CABLES1: variants seen among roughly 807,000 people sequenced by gnomAD.
The protein encoded by CABLES1 is CDK5 and ABL1 enzyme substrate 1.
CABLES1 carries 36 observed loss-of-function variants against 57.8 expected under a neutral mutation model. That is an observed-to-expected ratio of 0.62 (90% CI 0.48 to 0.82). The LOEUF is 0.82. CABLES1 is among the 40% of genes least tolerant of loss of function. The pLI is 0.00. For missense variants in CABLES1, 767 were observed against 836.6 expected, an observed-to-expected ratio of 0.92 and a Z score of 1.03; for synonymous variants, 374 against 363.0, an observed-to-expected ratio of 1.03 and a Z score of -0.35.
chr18:23,251,519 C>G (rs527428951), intron 7 of CABLES1, among the ~76,000 whole-genome samples: 1 of 151,982 alleles, frequency 6.6e-6, no homozygotes, highest in African/African-American at 2.4e-5. Context: ...AGTATACTCT[C>G]GAGGAGGGAT....
intron 3 of CABLES1, among the ~76,000 whole-genome samples, chr18:23,203,122 G>A (rs2047338001): frequency 6.6e-6 from 1 of 152,128 alleles, no homozygotes; most frequent in Admixed American, 6.5e-5. Flanking sequence ...CTGTCTTGAA[G>A]AGCGACAGAG....
At chr18:23,190,170 G>C (rs1174272682) in intron 2 of CABLES1, 1 of 152,256 alleles carries the variant, frequency 6.6e-6, no homozygotes, top group African/African-American at 2.4e-5. Flanking sequence ...AAAGTCAAAT[G>C]AGGGAGCTGG....
intron 4 of CABLES1, among the ~76,000 whole-genome samples, chr18:23,224,011 A>T (rs2145067464): frequency 6.6e-6 from 1 of 152,094 alleles, no homozygotes; most frequent in African/African-American, 2.4e-5. Flanking sequence ...TAGTTAAGGT[A>T]AAGGTAATGC....
At position 23,257,270 on chromosome 18, in the gene CABLES1, C is replaced by T. The variant is rs1159677037; in HGVS notation, c.1805C>T (p.Ala602Val). Residue 602 changes from alanine (A) to valine (V), a missense_variant, in exon 10 of 10, where the codon GCC becomes GTC. Around this residue, in one of 4 missense-constraint regions of CABLES1, gnomAD observed 15 missense variants for 41.0 expected, o/e 0.37. Transcript: ENST00000256925. ...KFRLNRRELI[A>V]FEFPVLVALE... ...CGGCTGAACAGGCGAGAACTGATTG[C>T]CTTTGAATTCCCGGTGTTAGTGGCC... The T allele has an allele frequency of 2.5e-6, 4 of 1,613,398 alleles. No individual in the cohort carries two copies. In the African/African-American group the frequency reaches 5.3e-5, roughly 22 times the overall value.
intron 1 of CABLES1, among the ~76,000 whole-genome samples, chr18:23,171,929 C>CT (rs1598810438): frequency 6.6e-6 from 1 of 152,126 alleles, no homozygotes; most frequent in Non-Finnish European, 1.5e-5. Flanking sequence ...CCTTATGTTT[C>CT]TTTTTTCGGT....
rs767353419 is a variant in CABLES1, at chr18:23,174,708, G to A, written c.846-14130G>A. ...AGGATGGTGTCGATCTCCTGACCTCGTAATCCGCCCACCTTGGCCTCCCAA... is the reference window on the plus strand; with the variant it reads ...AGGATGGTGTCGATCTCCTGACCTCATAATCCGCCCACCTTGGCCTCCCAA... On this transcript the variant is annotated intron_variant, in intron 1 of 9. Coordinates refer to ENST00000256925, the MANE Select transcript of CABLES1 (RefSeq NM_001100619.3). Among the ~76,000 whole-genome samples the A allele has an allele frequency of 4.0e-5, 6 of 150,958 alleles. No individual in the cohort carries two copies. In the East Asian group the frequency reaches 5.9e-4, roughly 15 times the overall value.
intron 3 of CABLES1, among the ~76,000 whole-genome samples, chr18:23,210,916 G>A (rs1000750759): frequency 4.6e-5 from 7 of 152,040 alleles, no homozygotes; most frequent in African/African-American, 7.2e-5. Context: ...CCCTCCAGCC[G>A]CTTGAGACTG....
intron 7 of CABLES1, among the ~76,000 whole-genome samples, chr18:23,251,321 C>T (rs569052797): frequency 2.0e-3 from 309 of 152,274 alleles, no homozygotes; most frequent in African/African-American, 7.3e-3. Flanking sequence ...CAAGGTGGCA[C>T]ATGCCTGTAG....
At chr18:23,196,696 G>T (rs2047285452) in intron 3 of CABLES1, among the ~76,000 whole-genome samples, 3 of 152,174 alleles carry the variant, frequency 2.0e-5, no homozygotes, top group Admixed American at 2.0e-4. Flanking sequence ...GGTCTCAGAG[G>T]GAGGGACCCC....
At chr18:23,142,016 C>A (rs1295680681) in intron 1 of CABLES1, among the ~76,000 whole-genome samples, 1 of 152,084 alleles carries the variant, frequency 6.6e-6, no homozygotes, top group Non-Finnish European at 1.5e-5. Flanking sequence ...GGTTCTGGGT[C>A]TTAGTTTCCT....
Position 23,190,880 on chromosome 18 carries a change from G to A in CABLES1, c.917+1971G>A, listed in dbSNP as rs549720202. On this transcript the variant is annotated intron_variant, in intron 2 of 9. Coordinates refer to ENST00000256925, the MANE Select transcript of CABLES1 (RefSeq NM_001100619.3). Reference sequence around the variant, plus strand: ...TGCTTAGTCTAGGAGTTCAAGACCAGCCTGGGCAATGTAGTGAGACCCCCA... The same window carrying A: ...TGCTTAGTCTAGGAGTTCAAGACCAACCTGGGCAATGTAGTGAGACCCCCA... 3.3e-5 allele frequency among the ~76,000 whole-genome samples: 5 copies of A among 152,066 alleles called. No homozygotes were observed. In the South Asian group the frequency reaches 1.0e-3, roughly 32 times the overall value.
rs558578292 is a variant in CABLES1, at chr18:23,222,304, G to C, written c.1088+8250G>C. On this transcript the variant is annotated intron_variant, in intron 4 of 9. Transcript: ENST00000256925. ...CCCAGCACCTGTTCCCCCACCCCCA[G>C]CTCCACTAAGAGCCCCTTCCTGTCT... Among the ~76,000 whole-genome samples the C allele has an allele frequency of 2.1e-3, 313 of 151,612 alleles. 1 individual carries two copies. Among genetic ancestry groups the C allele is most frequent in the African/African-American group, 7.2e-3 (299 of 41,272 alleles).
At chr18:23,206,294 A>G (rs571741444) in intron 3 of CABLES1, among the ~76,000 whole-genome samples, 1 of 152,204 alleles carries the variant, frequency 6.6e-6, no homozygotes, top group Non-Finnish European at 1.5e-5. Context: ...AGGGCTCAGG[A>G]GGCCTTTCTC....
chr18:23,205,319 G>A (rs902519176), intron 3 of CABLES1, among the ~76,000 whole-genome samples: 4 of 150,054 alleles, frequency 2.7e-5, no homozygotes, highest in African/African-American at 9.8e-5. Flanking sequence ...TCAGCTTCCC[G>A]GATAGCTGGG....
intron 1 of CABLES1, among the ~76,000 whole-genome samples, chr18:23,151,090 C>T (rs372940376): frequency 1.4e-4 from 21 of 144,918 alleles, no homozygotes; most frequent in Admixed American, 1.1e-3. Flanking sequence ...GCGATCTCGG[C>T]TCACTGCAAG....
chr18:23,253,525 C>G (rs1369409104), intron 8 of CABLES1, among the ~76,000 whole-genome samples: 1 of 152,138 alleles, frequency 6.6e-6, no homozygotes, highest in Non-Finnish European at 1.5e-5. Context: ...TACGACCTGA[C>G]CAACAGAGAA....
Position 23,194,601 on chromosome 18 carries a change from G to A in CABLES1, c.1010+61G>A, listed in dbSNP as rs73968818. The A allele has an allele frequency of 5.2e-6, 6 of 1,157,970 alleles. No homozygotes were observed. The South Asian group carries it at 6.1e-5, about 12-fold the overall frequency. The allele number at this position is 1,157,970 out of a possible 1,614,324, so 71.7% of individuals were successfully genotyped here. On this transcript the variant is annotated intron_variant, in intron 3 of 9. Transcript: ENST00000256925. ...GTGGGTGGAGACAGGGACTGGAGGA[G>A]GGGACAGTTTTAGTGGCCAAAACTC...
At chr18:23,192,244 G>A (rs1217784000) in intron 2 of CABLES1, among the ~76,000 whole-genome samples, 1 of 152,178 alleles carries the variant, frequency 6.6e-6, no homozygotes, top group Non-Finnish European at 1.5e-5. Context: ...ACCTCTATTT[G>A]TTTGCAGCAA....
Position 23,136,616 on chromosome 18 carries a change from C to A in CABLES1, c.845+9C>A. On this transcript the variant is annotated intron_variant, in intron 1 of 9. Coordinates refer to ENST00000256925, the MANE Select transcript of CABLES1 (RefSeq NM_001100619.3). Reference sequence around the variant, plus strand: ...CAGCTGCAGAGGTCCCGGTGAGTATCCGGGATGCGACGCGCACCCAACCCT... The same window carrying A: ...CAGCTGCAGAGGTCCCGGTGAGTATACGGGATGCGACGCGCACCCAACCCT... The A allele has an allele frequency of 2.2e-6, 3 of 1,391,980 alleles. No homozygotes were observed. Among genetic ancestry groups the A allele is most frequent in the Non-Finnish European group, 2.8e-6 (3 of 1,070,242 alleles). 86.2% of individuals were successfully genotyped at this position (1,391,980 alleles called of 1,614,324 possible).
Sources: gnomAD v4.1 joint callset for allele counts (sites outside exome capture counted in the v4.1 genomes callset) on GRCh38, gnomAD v4.1.1 for gene constraint, gnomAD v4.1.1 regional missense constraint, MANE v1.5 for transcripts, NCBI Gene and HGNC (gene_info 2026-07-23, HGNC 2026-07-21) for gene names.